The following CDH4 variants were observed in gnomAD, a reference collection of about 807,000 sequenced individuals.
CDH4 encodes cadherin 4.
A neutral mutation model predicts 86.0 loss-of-function variants in CDH4; 33 were observed. That is an observed-to-expected ratio of 0.38 (90% confidence interval 0.29 to 0.51). CDH4 has a LOEUF of 0.51. CDH4 is among the 20% of genes least tolerant of loss of function. The pLI, the probability that CDH4 is intolerant of heterozygous loss-of-function variation, is 0.86. For synonymous variants in CDH4, 555 were observed against 549.4 expected (o/e 1.01, Z -0.14); for missense variants, 1,114 against 1,307.4 (o/e 0.85, Z 2.28).
At chr20:61,401,335 C>T (rs912380714) in intron 2 of CDH4, among the ~76,000 whole-genome samples, 3 of 152,220 alleles carry the variant, frequency 2.0e-5, no homozygotes, top group Non-Finnish European at 2.9e-5. Flanking sequence ...ACATTGCAGG[C>T]TTCAGTCCCT....
At chr20:61,538,877 G>A (rs1440942389) in intron 2 of CDH4, among the ~76,000 whole-genome samples, 1 of 152,246 alleles carries the variant, frequency 6.6e-6, no homozygotes, top group Admixed American at 6.5e-5. Flanking sequence ...CAGGCTCTTA[G>A]GAGGCTCTGA....
intron 2 of CDH4, among the ~76,000 whole-genome samples, chr20:61,695,829 G>A (rs2087709695): frequency 6.6e-6 from 1 of 152,204 alleles, no homozygotes; most frequent in Non-Finnish European, 1.5e-5. Flanking sequence ...CAGTTGGACT[G>A]CTGAGCTGGG....
At chr20:61,833,521 T>C (rs1009129427) in intron 4 of CDH4, among the ~76,000 whole-genome samples, 5 of 152,194 alleles carry the variant, frequency 3.3e-5, no homozygotes, top group Admixed American at 3.3e-4. Flanking sequence ...CAGGCCTCAT[T>C]ACTGACAACA....
chr20:61,668,026 A>G (rs1294933400), intron 2 of CDH4, among the ~76,000 whole-genome samples: 2 of 152,248 alleles, frequency 1.3e-5, no homozygotes, highest in Admixed American at 6.5e-5. Flanking sequence ...CAAGGCTTCT[A>G]AGACCAGAGA....
intron 2 of CDH4, among the ~76,000 whole-genome samples, chr20:61,631,720 T>C (rs2086890319): frequency 6.6e-6 from 1 of 152,236 alleles, no homozygotes; most frequent in Non-Finnish European, 1.5e-5. Flanking sequence ...TCAGACTCCA[T>C]GAACCACCCC....
chr20:61,458,969 T>C (rs915177968), intron 2 of CDH4, among the ~76,000 whole-genome samples: 14 of 151,726 alleles, frequency 9.2e-5, no homozygotes, highest in African/African-American at 3.1e-4. Flanking sequence ...TTTTTTTTTT[T>C]TCCTTCTGGA....
intron 2 of CDH4, among the ~76,000 whole-genome samples, chr20:61,509,261 C>A (rs532058776): frequency 6.6e-6 from 1 of 150,576 alleles, no homozygotes; most frequent in Non-Finnish European, 1.5e-5. Flanking sequence ...AGAGCCCCAC[C>A]GTCAGCCAGC....
At chr20:61,426,611 G>A (rs1285572227) in intron 2 of CDH4, among the ~76,000 whole-genome samples, 1 of 152,156 alleles carries the variant, frequency 6.6e-6, no homozygotes, top group Non-Finnish European at 1.5e-5. Context: ...TGATTGTCAC[G>A]GAAATTCTGC....
chr20:61,677,739 G>A (rs1014273838), intron 2 of CDH4, among the ~76,000 whole-genome samples: 5 of 143,714 alleles, frequency 3.5e-5, no homozygotes, highest in African/African-American at 1.3e-4. Flanking sequence ...AGGTAGGCAG[G>A]TGGATGGGTG....
At chr20:61,593,783 A>T (rs1454171839) in intron 2 of CDH4, among the ~76,000 whole-genome samples, 2 of 151,764 alleles carry the variant, frequency 1.3e-5, no homozygotes, top group African/African-American at 4.8e-5. Flanking sequence ...TGGACATAGT[A>T]GAACCCCCTG....
chr20:61,283,503 CGCGTGTGCTGTGGTGTGTG>C lies in CDH4; in HGVS notation c.169+28567_169+28585del, dbSNP rs1285538855. Among the ~76,000 whole-genome samples the C allele has an allele frequency of 6.1e-5, 7 of 113,998 alleles. 2 individuals carry two copies. The highest frequency in any genetic ancestry group is 1.1e-4 in the Non-Finnish European group (6 of 56,930). The allele number at this position is 113,998 out of a possible 152,430, so 74.8% of individuals were successfully genotyped here. A position where few individuals can be genotyped will look rare whatever the true frequency, so the allele number is the denominator to read the frequency against. On this transcript the variant is annotated intron_variant, in intron 2 of 15. Coordinates refer to ENST00000614565, the MANE Select transcript of CDH4 (RefSeq NM_001794.5). ...GGTGTGTGATGTAGGTGCATTTGCACGCGTGTGCTGTGGTGTGTGATGTAGGTGCATTTACACGCGTGTG... is the reference window on the plus strand; with the variant it reads ...GGTGTGTGATGTAGGTGCATTTGCACATGTAGGTGCATTTACACGCGTGTG...
chr20:61,832,378 G>C (rs1981664328), intron 4 of CDH4, among the ~76,000 whole-genome samples: 1 of 152,204 alleles, frequency 6.6e-6, no homozygotes, highest in African/African-American at 2.4e-5. Flanking sequence ...GCACTGCCTT[G>C]GGTTGTGGTG....
At chr20:61,720,604 G>A (rs951535633) in intron 2 of CDH4, among the ~76,000 whole-genome samples, 1 of 151,618 alleles carries the variant, frequency 6.6e-6, no homozygotes, top group Non-Finnish European at 1.5e-5. Flanking sequence ...CAGTGCAGGG[G>A]TGCAGCATGC....
In CDH4 at chr20:61,681,086, T is replaced by C. The variant is rs2087507656; in HGVS notation, c.170-62477T>C. 6.6e-6 allele frequency among the ~76,000 whole-genome samples: 1 copy of C among 152,184 alleles called. No individual in the cohort carries two copies. The highest frequency in any genetic ancestry group is 2.4e-5 in the African/African-American group (1 of 41,432). On this transcript the variant is annotated intron_variant, in intron 2 of 15. Coordinates refer to ENST00000614565, the MANE Select transcript of CDH4 (RefSeq NM_001794.5). This position sits in a 1 kb window ranked among gnomAD's most constrained non-coding sequence, Gnocchi z 4.5. ...AACATAATCCCTCTGTGCCGTGCAA[T>C]TATTAACACATCGCTTGAGGGCATT...
At chr20:61,652,475 G>T (rs892731091) in intron 2 of CDH4, among the ~76,000 whole-genome samples, 3 of 152,146 alleles carry the variant, frequency 2.0e-5, no homozygotes, top group African/African-American at 7.2e-5. Context: ...CGTCCTTTAT[G>T]ACGGTTGGCT....
intron 4 of CDH4, among the ~76,000 whole-genome samples, chr20:61,779,276 T>A (rs532886630): frequency 1.3e-5 from 2 of 152,308 alleles, no homozygotes; most frequent in South Asian, 4.1e-4. Context: ...TGCTCCTGGG[T>A]GCGAATCCTT....
At chr20:61,336,053 C>T (rs1408050926) in intron 2 of CDH4, among the ~76,000 whole-genome samples, 2 of 152,092 alleles carry the variant, frequency 1.3e-5, no homozygotes, top group East Asian at 1.9e-4. Context: ...AGCTTGTTTT[C>T]GATACTGTGG....
chr20:61,838,217 G>T (rs562258594), intron 4 of CDH4, among the ~76,000 whole-genome samples: 1 of 152,128 alleles, frequency 6.6e-6, no homozygotes, highest in African/African-American at 2.4e-5. Flanking sequence ...GTTTGTCCAG[G>T]AACGGTTGGG....
At chr20:61,402,778 A>C (rs2085056742) in intron 2 of CDH4, among the ~76,000 whole-genome samples, 1 of 152,242 alleles carries the variant, frequency 6.6e-6, no homozygotes, top group African/African-American at 2.4e-5. Context: ...CTGACTATCT[A>C]CATAGCATCT....
Sources: gnomAD v4.1 joint callset for allele counts (sites outside exome capture counted in the v4.1 genomes callset) on GRCh38, gnomAD v4.1.1 for gene constraint, Gnocchi (gnomAD v3.1) non-coding constraint, MANE v1.5 for transcripts, NCBI Gene and HGNC (gene_info 2026-07-23, HGNC 2026-07-21) for gene names.